The following TEX15 variants were observed in gnomAD, a reference collection of about 807,000 sequenced individuals.
TEX15 encodes the protein testis expressed 15, meiosis and synapsis associated.
TEX15 carries 171 observed loss-of-function variants against 237.3 expected under a neutral mutation model. That is an observed-to-expected ratio of 0.72 (90% CI 0.64 to 0.82). TEX15 has a LOEUF of 0.82. Ranked by LOEUF, TEX15 falls within the 40% of genes least tolerant of loss-of-function variation. The probability of loss-of-function intolerance (pLI) is 0.00; values close to 1 mark genes in which losing one functional copy is unlikely to be tolerated. For missense variants in TEX15, 3,750 were observed against 3,646.5 expected (o/e 1.03, Z -0.73); for synonymous variants, 1,338 against 1,269.8 (o/e 1.05, Z -1.14).
Position 30,887,275 on chromosome 8 carries a change from C to T in TEX15, c.28G>A (p.Asp10Asn), listed in dbSNP as rs1460912452. Residue 10 changes from aspartate to asparagine, a missense_variant, in exon 3 of 11, where the codon GAT becomes AAT. Coordinates refer to ENST00000643185, the MANE Select transcript of TEX15 (RefSeq NM_001350162.2). The part of the protein sequence containing the change: MEMKETAKQ[D>N]TLWQMSSTSK... The stretch of plus-strand genomic sequence containing the variant: ...GTTGAGCTCATTTGCCACAGTGTAT[C>T]CTGTTTAGCAGTTTCTTTCATTTCC... 6.5e-7 allele frequency: 1 copy of T among 1,534,706 alleles called. No individual in the cohort carries two copies. The highest frequency in any genetic ancestry group is 1.2e-5 in the South Asian group (1 of 83,640).
rs147888421 is a variant in TEX15 at position 30,843,077 on chromosome 8, G to A, written c.7090C>T (p.Leu2364Phe). Reference protein sequence around the residue: ...IENSKFNSNLLAHPDICCISE... With the variant: ...IENSKFNSNLFAHPDICCISE... ...ATACAACAAATATCTGGGTGTGCAA[G>A]CAAATTACTGTTAAATTTAGAATTT... is the stretch of plus-strand genomic sequence containing the variant. The change falls in exon 8 of 11, where the codon CTT (leucine) becomes TTT (phenylalanine). Residue 2364 changes from leucine to phenylalanine, a missense_variant. By Grantham distance (22) the Leu-to-Phe change is conservative (BLOSUM62 0). Coordinates refer to ENST00000643185, the MANE Select transcript of TEX15 (RefSeq NM_001350162.2). The A allele has an allele frequency of 1.1e-5, 18 of 1,613,046 alleles. No individual in the cohort carries two copies. The highest frequency in any genetic ancestry group is 1.4e-5 in the Non-Finnish European group (17 of 1,179,610).
At chr8:30,895,432 G>A (rs2128777858) in intron 2 of TEX15, among the ~76,000 whole-genome samples, 1 of 152,078 alleles carries the variant, frequency 6.6e-6, no homozygotes, top group Non-Finnish European at 1.5e-5. Context: ...TTGTTGAAGG[G>A]TCAGAGGATG....
At chr8:30,851,893 C>A (rs1285356981) in intron 7 of TEX15, among the ~76,000 whole-genome samples, 1 of 151,974 alleles carries the variant, frequency 6.6e-6, no homozygotes, top group Non-Finnish European at 1.5e-5. Context: ...GAGATGGCAC[C>A]ACTGCACTCC....
chr8:30,912,252 C>G (rs1809237206), intron 1 of TEX15, among the ~76,000 whole-genome samples: 1 of 151,934 alleles, frequency 6.6e-6, no homozygotes, highest in Non-Finnish European at 1.5e-5. Flanking sequence ...CTGCCAGTCA[C>G]CCGGGCGGCG....
intron 8 of TEX15, 33 bp downstream of exon 8, chr8:30,841,971 A>G (rs747045269): frequency 2.1e-6 from 3 of 1,427,442 alleles, no homozygotes; most frequent in Non-Finnish European, 2.8e-6. Flanking sequence ...CAAAAAGAAT[A>G]CTTATAAAAG....
At chr8:30,889,455 G>GA (rs1054663956) in intron 2 of TEX15, among the ~76,000 whole-genome samples, 4 of 151,132 alleles carry the variant, frequency 2.6e-5, no homozygotes, top group African/African-American at 2.4e-5. Context: ...CCGGCTCAAA[G>GA]AAAAAAAAAT....
chr8:30,889,935 A>ATATATATATATACATATATATATATACG (rs1563273085), intron 2 of TEX15, among the ~76,000 whole-genome samples: 8 of 82,790 alleles, frequency 9.7e-5, no homozygotes, highest in African/African-American at 5.9e-4. Context: ...AGTTATATAC[A>ATATATATATATACATATATATATATACG]TATATATATA....
At chr8:30,903,606 C>T (rs571703369) in intron 1 of TEX15, among the ~76,000 whole-genome samples, 1 of 152,220 alleles carries the variant, frequency 6.6e-6, no homozygotes, top group South Asian at 2.1e-4. Flanking sequence ...AGTAAGCTAG[C>T]ACAGGATAAC....
At chr8:30,851,763 CCT>C (rs1807789357) in intron 7 of TEX15, among the ~76,000 whole-genome samples, 1 of 151,920 alleles carries the variant, frequency 6.6e-6, no homozygotes, top group Non-Finnish European at 1.5e-5. Flanking sequence ...ATGGTGAAAC[CCT>C]GTCTGTACTA....
At chr8:30,880,185 C>T (rs964388600) in intron 3 of TEX15, among the ~76,000 whole-genome samples, 14 of 151,162 alleles carry the variant, frequency 9.3e-5, no homozygotes, top group African/African-American at 2.7e-4. Flanking sequence ...CCCACCACCA[C>T]GCCTAGCTAA....
chr8:30,891,637 G>A (rs754494986), intron 2 of TEX15, among the ~76,000 whole-genome samples: 2 of 151,790 alleles, frequency 1.3e-5, no homozygotes, highest in Non-Finnish European at 2.9e-5. Flanking sequence ...GTGCCACCAC[G>A]CCTGGCTAAT....
chr8:30,883,752 G>C (rs1808587934), intron 3 of TEX15, among the ~76,000 whole-genome samples: 1 of 152,124 alleles, frequency 6.6e-6, no homozygotes, highest in Non-Finnish European at 1.5e-5. Flanking sequence ...CTATATCACT[G>C]ATGGGCATTT....
chr8:30,874,540 A>G (rs898565369), intron 4 of TEX15, among the ~76,000 whole-genome samples: 3 of 152,192 alleles, frequency 2.0e-5, no homozygotes, highest in African/African-American at 7.2e-5. Context: ...ATCCTCTCAA[A>G]TTAAAACATC....
chr8:30,847,753 CAT>C lies in TEX15; in HGVS notation c.2412_2413del (p.Ile804MetfsTer4). 1.9e-6 allele frequency: 3 copies of C among 1,613,696 alleles called. No individual in the cohort carries two copies. Among genetic ancestry groups the C allele is most frequent in the Non-Finnish European group, 8.5e-7 (1 of 1,179,910 alleles). ...TTCATTTTCATTTTTCCTATGGACA[CAT>C]ATATGTTCTCTAGTTATGCTGCAAT... On this transcript the variant is annotated frameshift_variant, in exon 8 of 11. Transcript: ENST00000643185. LOFTEE classifies it high-confidence loss of function.
At chr8:30,881,600 T>C (rs1309517717) in intron 3 of TEX15, among the ~76,000 whole-genome samples, 1 of 98,950 alleles carries the variant, frequency 1.0e-5, no homozygotes, top group East Asian at 2.1e-4. Context: ...TAATTATCCT[T>C]CCATCTTGAC....
intron 2 of TEX15, among the ~76,000 whole-genome samples, chr8:30,894,441 ATAT>A (rs1244619115): frequency 6.6e-6 from 1 of 152,214 alleles, no homozygotes; most frequent in Non-Finnish European, 1.5e-5. Flanking sequence ...TGATTGATAT[ATAT>A]TATTAATTCA....
intron 4 of TEX15, among the ~76,000 whole-genome samples, chr8:30,872,229 T>C (rs112550196): frequency 3.9e-5 from 6 of 152,258 alleles, no homozygotes; most frequent in South Asian, 4.1e-4. Context: ...TGTGCCATAG[T>C]AGACATTTTT....
Position 30,846,865 on chromosome 8 carries a change from C to A in TEX15, c.3302G>T (p.Ser1101Ile), listed in dbSNP as rs1807628091. 5 of 1,613,878 alleles carry A rather than the reference C, an allele frequency of 3.1e-6. No homozygotes were observed. The highest frequency in any genetic ancestry group is 4.2e-6 in the Non-Finnish European group (5 of 1,179,818). ...TSYKALKSRI[S>I]WEGLLALDNG... is the part of the protein sequence containing the mutation. Reference sequence around the variant, plus strand: ...ATCAAGTGCTAACAGACCTTCCCAACTGATACGAGACTTCAGAGCCTTATA... The same window carrying A: ...ATCAAGTGCTAACAGACCTTCCCAAATGATACGAGACTTCAGAGCCTTATA... The change falls in exon 8 of 11, where the codon AGT becomes ATT. Residue 1101 changes from serine to isoleucine, a missense_variant. Transcript: ENST00000643185.
intron 4 of TEX15, among the ~76,000 whole-genome samples, chr8:30,868,597 C>T (rs1463829510): frequency 2.6e-5 from 4 of 151,942 alleles, no homozygotes; most frequent in Non-Finnish European, 5.9e-5. Context: ...TAGGCAGGAC[C>T]ACAAAAGCAA....
Sources: allele counts gnomAD v4.1 joint callset (sites outside exome capture counted in the v4.1 genomes callset), GRCh38; gene constraint gnomAD v4.1.1; transcripts MANE v1.5; gene names NCBI Gene and HGNC (gene_info 2026-07-23, HGNC 2026-07-21).